Variants in KIAA0825 observed in about 807,000 individuals in gnomAD.
KIAA0825 encodes uncharacterized protein KIAA0825.
In KIAA0825, 119 loss-of-function variants were observed where a neutral mutation model predicts 147.6. That is an observed-to-expected ratio of 0.81 (90% CI 0.69 to 0.94). The LOEUF (loss-of-function observed/expected upper bound fraction) is 0.94. Among genes scored for constraint, KIAA0825 ranks in the 40% least tolerant of loss-of-function variants. The pLI, the probability that KIAA0825 is intolerant of heterozygous loss-of-function variation, is 0.00. For synonymous variants in KIAA0825, 470 were observed against 518.1 expected (o/e 0.91, Z 1.26); for missense variants, 1,381 against 1,472.7 (o/e 0.94, Z 1.02).
intron 20 of KIAA0825, among the ~76,000 whole-genome samples, chr5:94,293,075 T>C (rs923281895): frequency 6.6e-6 from 1 of 152,102 alleles, no homozygotes; most frequent in African/African-American, 2.4e-5. Flanking sequence ...CCTGGATTCA[T>C]TGATTTTTGG....
chr5:94,586,758 A>T (rs1447469754), intron 1 of KIAA0825, among the ~76,000 whole-genome samples: 1 of 152,250 alleles, frequency 6.6e-6, no homozygotes, highest in Non-Finnish European at 1.5e-5. Flanking sequence ...ATTTTAGACC[A>T]ATATCCCTGA....
intron 20 of KIAA0825, among the ~76,000 whole-genome samples, chr5:94,166,373 C>T (rs1768030776): frequency 6.6e-6 from 1 of 152,076 alleles, no homozygotes; most frequent in Non-Finnish European, 1.5e-5. Flanking sequence ...TAAAAGGCAT[C>T]AGTGCTGTTT....
chr5:94,251,964 A>T (rs1352526354), intron 20 of KIAA0825, among the ~76,000 whole-genome samples: 1 of 152,026 alleles, frequency 6.6e-6, no homozygotes, highest in Non-Finnish European at 1.5e-5. Flanking sequence ...TTCATTATGG[A>T]TATTTTAAGA....
chr5:94,200,073 G>A (rs1482893041), intron 20 of KIAA0825, among the ~76,000 whole-genome samples: 1 of 152,102 alleles, frequency 6.6e-6, no homozygotes, highest in African/African-American at 2.4e-5. Context: ...TGAGCCTTGG[G>A]GTTGGGCACC....
chr5:94,228,064 A>C (rs151269002), intron 20 of KIAA0825, among the ~76,000 whole-genome samples: 3 of 152,222 alleles, frequency 2.0e-5, no homozygotes, highest in Non-Finnish European at 4.4e-5. Context: ...GTCTTAGTCC[A>C]TCCATGAAAT....
rs145978604 is a variant in KIAA0825 at position 94,552,675 on chromosome 5, T to C, written c.-1-15548A>G. On this transcript the variant is annotated intron_variant, in intron 2 of 20. Coordinates refer to ENST00000682413, the MANE Select transcript of KIAA0825 (RefSeq NM_001145678.3). ...AATGACCAATGGGTGAAGAAAGATA[T>C]TATGAAGAAAATTTAAGTTTCTTGA... Among the ~76,000 whole-genome samples, 626 of 152,318 alleles carry C rather than the reference T, an allele frequency of 4.1e-3. 3 individuals are homozygous for C. Among genetic ancestry groups the C allele is most frequent in the African/African-American group, 0.014 (596 of 41,564 alleles).
intron 20 of KIAA0825, among the ~76,000 whole-genome samples, chr5:94,165,097 T>C (rs1176232187): frequency 6.6e-6 from 1 of 152,070 alleles, no homozygotes; most frequent in East Asian, 1.9e-4. Context: ...GAGAAAATAT[T>C]TGCACACTAC....
Position 94,520,264 on chromosome 5 carries a change from T to C in KIAA0825, c.954A>G (p.Gly318=), listed in dbSNP as rs761975762. The C allele has an allele frequency of 5.0e-6, 8 of 1,608,964 alleles. No individual in the cohort carries two copies. The highest frequency in any genetic ancestry group is 6.8e-6 in the Non-Finnish European group (8 of 1,177,726). ...KTSKSSSKHR[G]AVHALVTTEC... The stretch of plus-strand genomic sequence containing the variant: ...GTCACTAACCCAAAGCATGCACTGC[T>C]CCTCTATGCTTGCTGGAGCTCTTGC... The change falls in exon 5 of 21, where the codon GGA becomes GGG. Residue 318 remains glycine (G), a synonymous_variant. Transcript: ENST00000682413.
chr5:94,529,034 T>C (rs1049688005), intron 3 of KIAA0825, among the ~76,000 whole-genome samples: 1 of 151,654 alleles, frequency 6.6e-6, no homozygotes, highest in South Asian at 2.1e-4. Context: ...GGAAACAGAT[T>C]AGGTCTACAT....
At chr5:94,242,532 T>C (rs1274784602) in intron 20 of KIAA0825, among the ~76,000 whole-genome samples, 1 of 151,966 alleles carries the variant, frequency 6.6e-6, no homozygotes, top group Non-Finnish European at 1.5e-5. Context: ...TCAAATGACA[T>C]CTCCTTGTAT....
intron 20 of KIAA0825, among the ~76,000 whole-genome samples, chr5:94,305,310 A>G (rs1418977367): frequency 1.3e-5 from 2 of 151,902 alleles, no homozygotes; most frequent in Non-Finnish European, 2.9e-5. Context: ...TCACACACAT[A>G]TGCACACACA....
intron 20 of KIAA0825, among the ~76,000 whole-genome samples, chr5:94,309,227 A>C (rs1320631545): frequency 6.6e-6 from 1 of 151,496 alleles, no homozygotes; most frequent in South Asian, 2.1e-4. Context: ...GCCCCCAAAG[A>C]ATTTTCATTT....
chr5:94,530,889 C>T (rs1380969767), intron 3 of KIAA0825, among the ~76,000 whole-genome samples: 1 of 152,136 alleles, frequency 6.6e-6, no homozygotes, highest in Non-Finnish European at 1.5e-5. Flanking sequence ...AATAGTAGTC[C>T]AACTACTATT....
chr5:94,547,929 C>T (rs899458883), intron 2 of KIAA0825, among the ~76,000 whole-genome samples: 4 of 151,370 alleles, frequency 2.6e-5, no homozygotes, highest in African/African-American at 7.3e-5. Flanking sequence ...CAAAAATATG[C>T]TTCAAGCATG....
intron 20 of KIAA0825, among the ~76,000 whole-genome samples, chr5:94,383,968 G>A (rs558626224): frequency 2.0e-5 from 3 of 152,098 alleles, no homozygotes; most frequent in South Asian, 2.1e-4. Context: ...CATTTTATAC[G>A]CATTCATTAA....
chr5:94,344,554 A>G (rs1177463185), intron 20 of KIAA0825, among the ~76,000 whole-genome samples: 1 of 152,208 alleles, frequency 6.6e-6, no homozygotes, highest in Non-Finnish European at 1.5e-5. Context: ...GTTTCTAGGT[A>G]TATAACCCAA....
At chr5:94,367,432 A>T (rs1336380486) in intron 20 of KIAA0825, among the ~76,000 whole-genome samples, 2 of 152,146 alleles carry the variant, frequency 1.3e-5, no homozygotes, top group Admixed American at 1.3e-4. Flanking sequence ...TGGGAGGCGG[A>T]GGTTGCAGTG....
At chr5:94,614,360 T>C (rs757279852) in intron 1 of KIAA0825, among the ~76,000 whole-genome samples, 1 of 152,200 alleles carries the variant, frequency 6.6e-6, no homozygotes, top group Non-Finnish European at 1.5e-5. Context: ...CTGTAACAAA[T>C]GGGCGTTTTT....
intron 3 of KIAA0825, among the ~76,000 whole-genome samples, chr5:94,533,892 G>A (rs1297059047): frequency 6.6e-6 from 1 of 152,182 alleles, no homozygotes; most frequent in Non-Finnish European, 1.5e-5. Context: ...TGAAGGGCAG[G>A]TGAAGGTTCA....
Sources: allele counts gnomAD v4.1 joint callset (sites outside exome capture counted in the v4.1 genomes callset), GRCh38; gene constraint gnomAD v4.1.1; transcripts MANE v1.5; gene names NCBI Gene and HGNC (gene_info 2026-07-23, HGNC 2026-07-21).